The following ARHGAP15 variants were observed in gnomAD, a reference collection of about 807,000 sequenced individuals.
The protein encoded by ARHGAP15 is rho GTPase-activating protein 15.
In ARHGAP15, 51 loss-of-function variants were observed where a neutral mutation model predicts 63.7. That is an observed-to-expected ratio of 0.80 (90% confidence interval 0.64 to 1.01). The LOEUF (loss-of-function observed/expected upper bound fraction) is 1.01. Ranked by LOEUF, ARHGAP15 falls within the 50% of genes least tolerant of loss-of-function variation. The probability of loss-of-function intolerance (pLI) is 0.00; values close to 1 mark genes in which losing one functional copy is unlikely to be tolerated. For missense variants in ARHGAP15, 560 were observed against 564.6 expected (o/e 0.99, Z 0.08); for synonymous variants, 191 against 193.8 (o/e 0.99, Z 0.12).
intron 6 of ARHGAP15, among the ~76,000 whole-genome samples, chr2:143,292,502 G>A (rs749333975): frequency 3.3e-5 from 5 of 151,814 alleles, no homozygotes; most frequent in Non-Finnish European, 5.9e-5. Flanking sequence ...CTTGTTAGTA[G>A]CAACACTAAT....
At chr2:143,221,302 A>T (rs1692989610) in intron 4 of ARHGAP15, among the ~76,000 whole-genome samples, 1 of 152,074 alleles carries the variant, frequency 6.6e-6, no homozygotes, top group South Asian at 2.1e-4. Flanking sequence ...AATTTAACTT[A>T]TCTCTGAATA....
At chr2:143,661,957 T>G (rs1574795053) in intron 12 of ARHGAP15, among the ~76,000 whole-genome samples, 1 of 152,192 alleles carries the variant, frequency 6.6e-6, no homozygotes, top group Non-Finnish European at 1.5e-5. Flanking sequence ...CACAGCAGTC[T>G]GAGACCAAAC....
chr2:143,401,153 G>T (rs1663758708), intron 6 of ARHGAP15, among the ~76,000 whole-genome samples: 1 of 152,018 alleles, frequency 6.6e-6, no homozygotes, highest in Non-Finnish European at 1.5e-5. Flanking sequence ...TCCTATATAA[G>T]ATATGCTGGA....
chr2:143,539,648 A>G (rs1244736318), intron 10 of ARHGAP15, among the ~76,000 whole-genome samples: 1 of 152,152 alleles, frequency 6.6e-6, no homozygotes, highest in Non-Finnish European at 1.5e-5. Context: ...CCCAGTAGTC[A>G]TTCAGGAGCA....
intron 3 of ARHGAP15, among the ~76,000 whole-genome samples, chr2:143,209,721 G>T (rs932176907): frequency 6.6e-6 from 1 of 152,078 alleles, no homozygotes; most frequent in Admixed American, 6.6e-5. Context: ...TGCAAGGGTC[G>T]CCAGGTCAGA....
chr2:143,643,431 C>CA (rs1276259925), intron 12 of ARHGAP15, among the ~76,000 whole-genome samples: 2 of 145,878 alleles, frequency 1.4e-5, no homozygotes, highest in African/African-American at 2.5e-5. Context: ...CCACCCACCC[C>CA]CCCCCACCAA....
chr2:143,216,837 T>C (rs745338728), intron 4 of ARHGAP15, among the ~76,000 whole-genome samples: 1 of 152,178 alleles, frequency 6.6e-6, no homozygotes, highest in Non-Finnish European at 1.5e-5. Context: ...TTTGAACCAC[T>C]TTTGTAGCTC....
chr2:143,456,027 C>T (rs1290213460), intron 8 of ARHGAP15, among the ~76,000 whole-genome samples: 3 of 151,992 alleles, frequency 2.0e-5, no homozygotes, highest in South Asian at 4.2e-4. Context: ...CAGAGGAGGG[C>T]AGCTCACCTG....
intron 6 of ARHGAP15, among the ~76,000 whole-genome samples, chr2:143,251,884 G>C (rs1188643326): frequency 1.3e-5 from 2 of 151,988 alleles, no homozygotes; most frequent in Non-Finnish European, 2.9e-5. Flanking sequence ...CTATAGATCA[G>C]TGACTTCCCC....
chr2:143,635,597 T>C (rs1680270774), intron 12 of ARHGAP15, among the ~76,000 whole-genome samples: 1 of 152,126 alleles, frequency 6.6e-6, no homozygotes, highest in African/African-American at 2.4e-5. Flanking sequence ...ATGTGATGGC[T>C]CCTGGAGTAC....
chr2:143,719,337 G>T (rs764643171), intron 13 of ARHGAP15, among the ~76,000 whole-genome samples: 1 of 152,298 alleles, frequency 6.6e-6, no homozygotes, highest in African/African-American at 2.4e-5. Flanking sequence ...TGTATATGTT[G>T]TTGGGCATTA....
chr2:143,291,259 G>T (rs767721373), intron 6 of ARHGAP15, among the ~76,000 whole-genome samples: 1 of 152,042 alleles, frequency 6.6e-6, no homozygotes, highest in African/African-American at 2.4e-5. Flanking sequence ...AATGGTATTC[G>T]ATTAAGTATT....
intron 12 of ARHGAP15, among the ~76,000 whole-genome samples, chr2:143,691,972 A>G (rs1383919170): frequency 1.3e-5 from 2 of 152,222 alleles, no homozygotes; most frequent in East Asian, 3.8e-4. Flanking sequence ...TGGTGTTTTA[A>G]TATTACCTCC....
At chr2:143,196,891 A>G (rs1439608309) in intron 2 of ARHGAP15, among the ~76,000 whole-genome samples, 1 of 151,934 alleles carries the variant, frequency 6.6e-6, no homozygotes, top group Non-Finnish European at 1.5e-5. Context: ...TTCTGTTTTT[A>G]AGAGAAAATA....
chr2:143,621,248 T>G (rs1172686094), intron 11 of ARHGAP15, among the ~76,000 whole-genome samples: 3 of 152,222 alleles, frequency 2.0e-5, no homozygotes, highest in Admixed American at 6.5e-5. Flanking sequence ...GTGGTGCTTT[T>G]GAGAAACTCT....
intron 9 of ARHGAP15, among the ~76,000 whole-genome samples, chr2:143,504,117 G>C (rs1330373639): frequency 6.6e-6 from 1 of 152,194 alleles, no homozygotes; most frequent in Non-Finnish European, 1.5e-5. Context: ...ACAATCGTAG[G>C]AAAGTCTGGA....
chr2:143,551,840 G>T (rs1035513208), intron 10 of ARHGAP15, among the ~76,000 whole-genome samples: 1 of 152,138 alleles, frequency 6.6e-6, no homozygotes, highest in Non-Finnish European at 1.5e-5. Flanking sequence ...ATTATATCCT[G>T]TACTCTCAGT....
At chr2:143,432,331 T>C (rs1689424798) in intron 6 of ARHGAP15, among the ~76,000 whole-genome samples, 1 of 152,088 alleles carries the variant, frequency 6.6e-6, no homozygotes, top group African/African-American at 2.4e-5. Flanking sequence ...GAATGAATAT[T>C]GATGAGAGTG....
chr2:143,268,160 AT>A (rs1681090068), intron 6 of ARHGAP15, among the ~76,000 whole-genome samples: 1 of 151,500 alleles, frequency 6.6e-6, no homozygotes, highest in African/African-American at 2.4e-5. Context: ...TGGCAAACTA[AT>A]TTTATAGAGT....
Sources: gnomAD v4.1 joint callset for allele counts (sites outside exome capture counted in the v4.1 genomes callset) on GRCh38, gnomAD v4.1.1 for gene constraint, MANE v1.5 for transcripts, NCBI Gene and HGNC (gene_info 2026-07-23, HGNC 2026-07-21) for gene names.